ZNF22: variants seen among roughly 807,000 people sequenced by gnomAD.
The protein encoded by ZNF22 is zinc finger protein 22.
A neutral mutation model predicts 17.0 loss-of-function variants in ZNF22; 15 were observed. The observed-to-expected ratio is 0.88, with a 90% CI of 0.59 to 1.36. The LOEUF (loss-of-function observed/expected upper bound fraction) is 1.36. Among genes scored for constraint, ZNF22 ranks in the 40% most tolerant of loss-of-function variants. The pLI is 0.00. For synonymous variants in ZNF22, 84 were observed against 90.7 expected, an observed-to-expected ratio of 0.93 and a Z score of 0.42; for missense variants, 272 against 276.1, an observed-to-expected ratio of 0.98 and a Z score of 0.11.
Position 45,003,302 on chromosome 10 carries a change from T to C in ZNF22, c.-67T>C. Reference sequence around the variant, plus strand: ...CAGAAAATTCTGAGCTGTACACCTCTAGGAAATGAAACACTAGTTCAGAAG... The same window carrying C: ...CAGAAAATTCTGAGCTGTACACCTCCAGGAAATGAAACACTAGTTCAGAAG... On this transcript the variant is annotated 5_prime_UTR_variant, in exon 2 of 2. Transcript: ENST00000298299. The C allele has an allele frequency of 6.8e-7, 1 of 1,477,600 alleles. No individual in the cohort carries two copies. Among genetic ancestry groups the C allele is most frequent in the African/African-American group, 1.4e-5 (1 of 70,934 alleles). The allele number at this position is 1,477,600 out of a possible 1,614,324, so 91.5% of individuals were successfully genotyped here. A position where few individuals can be genotyped will look rare whatever the true frequency, so the allele number is the denominator to read the frequency against.
At chr10:45,002,102 A>G (rs1842338572) in intron 1 of ZNF22, 1 of 152,232 alleles carries the variant, frequency 6.6e-6, no homozygotes, top group Admixed American at 6.5e-5. Flanking sequence ...ATACAATAAG[A>G]TGAAAGGAAG....
intron 1 of ZNF22, 113 bp downstream of exon 1, chr10:45,001,091 T>G (rs1406791847): frequency 1.3e-5 from 2 of 158,694 alleles, no homozygotes; most frequent in Admixed American, 1.3e-4. Context: ...ATGGCGTGGC[T>G]TGCGTCTCCC....
intron 1 of ZNF22, among the ~76,000 whole-genome samples, chr10:45,001,649 G>T (rs1842334096): frequency 6.6e-6 from 1 of 152,156 alleles, no homozygotes; most frequent in South Asian, 2.1e-4. Context: ...CTGGGAACCC[G>T]GCCAGTGCCT....
In ZNF22 at chr10:45,003,723, A is replaced by G. The variant is rs1842352150; in HGVS notation, c.355A>G (p.Ser119Gly). 1 of 1,614,222 alleles carries G rather than the reference A, an allele frequency of 6.2e-7. No homozygotes were observed. The highest frequency in any genetic ancestry group is 1.1e-5 in the South Asian group (1 of 91,090). The change falls in exon 2 of 2, where the codon AGC becomes GGC. Residue 119 changes from serine (S) to glycine (G), a missense_variant. By Grantham distance (56) the Ser-to-Gly change is moderately conservative. Transcript: ENST00000298299. ...KPYKCDECGESFKQSSNLIQH... is the reference protein window; with the variant it reads ...KPYKCDECGEGFKQSSNLIQH... ...CTACAAATGTGATGAGTGTGGAGAA[A>G]GCTTCAAACAGAGCTCAAATCTCAT...
At position 45,003,584 on chromosome 10, in the gene ZNF22, A is replaced by G; in HGVS notation, c.216A>G (p.Gln72=). Residue 72 remains glutamine (Q), a synonymous_variant, in exon 2 of 2, where the codon CAA becomes CAG. Coordinates refer to ENST00000298299, the MANE Select transcript of ZNF22 (RefSeq NM_006963.5). Reference sequence around the variant, plus strand: ...TCAGTCAGAGTTCAACTCTTTTTCAACACCAGAAGATCCATACTGGAAAGA... The same window carrying G: ...TCAGTCAGAGTTCAACTCTTTTTCAGCACCAGAAGATCCATACTGGAAAGA... ...KSFSQSSTLF[Q]HQKIHTGKKS... is the part of the protein sequence containing the mutation. 2.5e-6 allele frequency: 4 copies of G among 1,614,188 alleles called. No homozygotes were observed. The highest frequency in any genetic ancestry group is 3.4e-6 in the Non-Finnish European group (4 of 1,180,002).
At chr10:45,003,132 C>A in intron 1 of ZNF22, 148 bp from the exon 2 acceptor site, 1 of 376,602 alleles carries the variant, frequency 2.7e-6, no homozygotes, top group Non-Finnish European at 4.7e-6. Context: ...AATTTCCCCC[C>A]ATATTATCTT....
At chr10:45,001,536 C>G (rs757135264) in intron 1 of ZNF22, among the ~76,000 whole-genome samples, 11 of 152,142 alleles carry the variant, frequency 7.2e-5, no homozygotes, top group Non-Finnish European at 1.3e-4. Context: ...CGTGCTTGCC[C>G]CTGCTGGGGA....
intron 1 of ZNF22, chr10:45,002,834 A>C (rs896073583): frequency 6.6e-6 from 1 of 152,410 alleles, no homozygotes; most frequent in African/African-American, 2.4e-5. Context: ...GTAGAAGTTT[A>C]ACATGGAACT....
chr10:45,004,377 T>C lies in ZNF22; in HGVS notation c.*334T>C, dbSNP rs532259248. 1.1e-4 allele frequency: 23 copies of C among 203,818 alleles called. No individual in the cohort carries two copies. The allele number at this position is 203,818 out of a possible 1,614,324, so 12.6% of individuals were successfully genotyped here. A position where few individuals can be genotyped will look rare whatever the true frequency, so the allele number is the denominator to read the frequency against. ...AGATACATTTTGAGAAAAACCATCA[T>C]GTTTTGAGGATACATTTGTGAAAGT... is the stretch of plus-strand genomic sequence containing the variant. On this transcript the variant is annotated 3_prime_UTR_variant, in exon 2 of 2. Transcript: ENST00000298299.
rs1291542378 is a variant in ZNF22 at position 45,004,163 on chromosome 10, T to G, written c.*120T>G. On this transcript the variant is annotated 3_prime_UTR_variant, in exon 2 of 2. Transcript: ENST00000298299. ...AGTAGATCACTTAAATACTGGATCT[T>G]TTGCTAGTGTGAAAACATTGGGAAT... 7 of 1,093,052 alleles carry G rather than the reference T, an allele frequency of 6.4e-6. No homozygotes were observed. Among genetic ancestry groups the G allele is most frequent in the Non-Finnish European group, 7.7e-6 (6 of 784,276 alleles). The allele number at this position is 1,093,052 out of a possible 1,614,324, so 67.7% of individuals were successfully genotyped here. A position where few individuals can be genotyped will look rare whatever the true frequency, so the allele number is the denominator to read the frequency against.
Position 45,003,451 on chromosome 10 carries a change from G to A in ZNF22, c.83G>A (p.Arg28Gln), listed in dbSNP as rs764273506. Residue 28 changes from arginine (R) to glutamine (Q), a missense_variant, in exon 2 of 2, where the codon CGG becomes CAG. Physicochemically the swap from Arg to Gln is conservative, Grantham distance 43. Transcript: ENST00000298299. ...TATGAGAACAAGCGCAAAACAGGCCGGCAGCGGCAGAAGTGGGGCATGACT... is the reference window on the plus strand; with the variant it reads ...TATGAGAACAAGCGCAAAACAGGCCAGCAGCGGCAGAAGTGGGGCATGACT... ...KAYENKRKTG[R>Q]QRQKWGMTIR... is the part of the protein sequence containing the mutation. The A allele has an allele frequency of 5.0e-6, 8 of 1,614,128 alleles. No individual in the cohort carries two copies. In the East Asian group the frequency reaches 6.7e-5, roughly 13 times the overall value.
rs1842360422 is a variant in ZNF22 at position 45,004,692 on chromosome 10, TTTTG to T, written c.*653_*656del. 1 of 167,146 alleles carries T rather than the reference TTTTG, an allele frequency of 6.0e-6. No homozygotes were observed. The highest frequency in any genetic ancestry group is 1.9e-4 in the East Asian group (1 of 5,192). 10.4% of individuals were successfully genotyped at this position (167,146 alleles called of 1,614,324 possible). On this transcript the variant is annotated 3_prime_UTR_variant, in exon 2 of 2. Transcript: ENST00000298299. Reference sequence around the variant, plus strand: ...GATTTCCCTTTTTTTGTTTTGTTTGTTTTGTTTTTTTTAACCAAATTCTTAGAGA... The same window carrying T: ...GATTTCCCTTTTTTTGTTTTGTTTGTTTTTTTTTAACCAAATTCTTAGAGA...
chr10:45,003,073 A>G (rs1414235324), intron 1 of ZNF22: 2 of 255,518 alleles, frequency 7.8e-6, no homozygotes, highest in East Asian at 1.5e-4. Flanking sequence ...GATATTTGTT[A>G]AGCTTAAACT....
At position 45,003,713 on chromosome 10, in the gene ZNF22, G is replaced by T. The variant is rs753146238; in HGVS notation, c.345G>T (p.Glu115Asp). 2 of 1,614,230 alleles carry T rather than the reference G, an allele frequency of 1.2e-6. No individual in the cohort carries two copies. Among genetic ancestry groups the T allele is most frequent in the Non-Finnish European group, 1.7e-6 (2 of 1,180,042 alleles). The change falls in exon 2 of 2, where the codon GAG becomes GAT. Residue 115 changes from glutamate (E) to aspartate (D), a missense_variant. By Grantham distance (45) the Glu-to-Asp change is conservative. Transcript: ENST00000298299. ...GGGAAAAGCCCTACAAATGTGATGA[G>T]TGTGGAGAAAGCTTCAAACAGAGCT... ...HTGEKPYKCDECGESFKQSSN... is the reference protein window; with the variant it reads ...HTGEKPYKCDDCGESFKQSSN...
intron 1 of ZNF22, among the ~76,000 whole-genome samples, chr10:45,001,246 C>T (rs116104341): frequency 0.029 from 4,291 of 149,644 alleles, 185 homozygotes; most frequent in African/African-American, 0.1. Context: ...ACTGGGGGCC[C>T]GGGCGAGGCG....
At chr10:45,002,346 C>T (rs1005079384) in intron 1 of ZNF22, 2 of 152,212 alleles carry the variant, frequency 1.3e-5, no homozygotes, top group African/African-American at 2.4e-5. Flanking sequence ...AGCCACAAGT[C>T]AGCCTTATAA....
rs1274972393 is a variant in ZNF22, at chr10:45,004,062, G to C, written c.*19G>C. The C allele has an allele frequency of 3.2e-6, 5 of 1,554,174 alleles. No homozygotes were observed. The highest frequency in any genetic ancestry group is 4.3e-6 in the Non-Finnish European group (5 of 1,154,458). On this transcript the variant is annotated 3_prime_UTR_variant, in exon 2 of 2. Transcript: ENST00000298299. ...CCGTTAAGTATAGGGCTTTTTGACA[G>C]CTTTTTGAGACCTCTTAAGAAAAAA...
chr10:45,003,133 A>G (rs1266739371), intron 1 of ZNF22, 147 bp from the exon 2 acceptor site: 3 of 378,076 alleles, frequency 7.9e-6, no homozygotes, highest in Admixed American at 4.2e-5. Context: ...ATTTCCCCCC[A>G]TATTATCTTT....
chr10:45,000,964 G>A lies in ZNF22; in HGVS notation c.-104G>A. 1.1e-6 allele frequency: 1 copy of A among 891,530 alleles called. No individual in the cohort carries two copies. Among genetic ancestry groups the A allele is most frequent in the Non-Finnish European group, 1.5e-6 (1 of 686,574 alleles). The allele number at this position is 891,530 out of a possible 1,614,324, so 55.2% of individuals were successfully genotyped here. A position where few individuals can be genotyped will look rare whatever the true frequency, so the allele number is the denominator to read the frequency against. On this transcript the variant is annotated 5_prime_UTR_variant, in exon 1 of 2. Coordinates refer to ENST00000298299, the MANE Select transcript of ZNF22 (RefSeq NM_006963.5). The stretch of plus-strand genomic sequence containing the variant: ...GAGGCGCCCAGCGAGCCAGAGTGGT[G>A]GCTGGTCCCGCGCGGTGAGTGGGAT...
Sources: gnomAD v4.1 joint callset for allele counts (sites outside exome capture counted in the v4.1 genomes callset) on GRCh38, gnomAD v4.1.1 for gene constraint, MANE v1.5 for transcripts, NCBI Gene and HGNC (gene_info 2026-07-23, HGNC 2026-07-21) for gene names.